Variants in CAMTA1 observed in about 807,000 individuals in gnomAD.
The protein encoded by CAMTA1 is calmodulin-binding transcription activator 1.
Under a neutral mutation model 170.9 loss-of-function variants are expected in CAMTA1, and 27 were observed. That is an observed-to-expected ratio of 0.16 (90% CI 0.12 to 0.22). CAMTA1 has a LOEUF of 0.22. Ranked by LOEUF, CAMTA1 falls within the 10% of genes least tolerant of loss-of-function variation. The pLI, the probability that CAMTA1 is intolerant of heterozygous loss-of-function variation, is 1.00. For synonymous variants in CAMTA1, 833 were observed against 891.5 expected, an observed-to-expected ratio of 0.93 and a Z score of 1.17; for missense variants, 1,619 against 2,217.2, an observed-to-expected ratio of 0.73 and a Z score of 5.42.
At chr1:7,365,839 G>A (rs2085921580) in intron 5 of CAMTA1, among the ~76,000 whole-genome samples, 1 of 152,192 alleles carries the variant, frequency 6.6e-6, no homozygotes, top group Non-Finnish European at 1.5e-5. Flanking sequence ...TCCACCCAGA[G>A]CAATACGTGG....
chr1:7,370,436 G>T (rs952647190), intron 5 of CAMTA1, among the ~76,000 whole-genome samples: 14 of 152,144 alleles, frequency 9.2e-5, no homozygotes, highest in Admixed American at 2.6e-4. Flanking sequence ...ATGTAATAAG[G>T]TACATTTGAA....
At chr1:7,672,264 G>C (rs1576745369) in intron 10 of CAMTA1, among the ~76,000 whole-genome samples, 1 of 152,024 alleles carries the variant, frequency 6.6e-6, no homozygotes, top group Non-Finnish European at 1.5e-5. Context: ...GCAGGCCCCA[G>C]GGTGTTTCTA....
Position 7,641,279 on chromosome 1 carries a change from G to T in CAMTA1, c.664+726G>T. Among the ~76,000 whole-genome samples, 1 of 152,180 alleles carries T rather than the reference G, an allele frequency of 6.6e-6. No individual in the cohort carries two copies. Among genetic ancestry groups the T allele is most frequent in the East Asian group, 1.9e-4 (1 of 5,188 alleles). Reference sequence around the variant, plus strand: ...TTCCTGACCCAAGAAGAGCATGGGGGCTGTTTAGTGGTGGACACGTAGCCC... The same window carrying T: ...TTCCTGACCCAAGAAGAGCATGGGGTCTGTTTAGTGGTGGACACGTAGCCC... On this transcript the variant is annotated intron_variant, in intron 7 of 22. Transcript: ENST00000303635. The surrounding 1 kb of genome is among the most constrained non-coding windows in gnomAD (Gnocchi z 4.5).
chr1:7,634,120 G>A lies in CAMTA1; in HGVS notation c.511-6280G>A, dbSNP rs1433555616. Among the ~76,000 whole-genome samples, 2 of 152,214 alleles carry A rather than the reference G, an allele frequency of 1.3e-5. No individual in the cohort carries two copies. The highest frequency in any genetic ancestry group is 3.9e-4 in the East Asian group (2 of 5,174). ...CCGGAACAGCCCAACCACGCCTGCT[G>A]CTGTTTGAAGGGTGGGTTGGGGAAG... On this transcript the variant is annotated intron_variant, in intron 6 of 22. Transcript: ENST00000303635. The surrounding 1 kb of genome is among the most constrained non-coding windows in gnomAD (Gnocchi z 6.2).
At chr1:7,142,221 T>A in intron 4 of CAMTA1, 1 of 497,030 alleles carries the variant, frequency 2.0e-6, no homozygotes, top group Admixed American at 2.0e-5. Flanking sequence ...TCCCTGAACC[T>A]TAAAGAACCT....
At chr1:6,894,511 C>T (rs950012622) in intron 3 of CAMTA1, among the ~76,000 whole-genome samples, 1 of 152,200 alleles carries the variant, frequency 6.6e-6, no homozygotes, top group African/African-American at 2.4e-5. Flanking sequence ...TCCATCCCTC[C>T]CTTCCTAAAT....
rs1390920879 is a variant in CAMTA1 at position 7,736,160 on chromosome 1, C to G, written c.3067-184C>G. Among the ~76,000 whole-genome samples, 4 of 152,178 alleles carry G rather than the reference C, an allele frequency of 2.6e-5. No homozygotes were observed. Among genetic ancestry groups the G allele is most frequent in the Non-Finnish European group, 5.9e-5 (4 of 68,020 alleles). ...TCCCGAGCAATCCTCCCACCTCGGC[C>G]TCCCAAAGTGCTAGGATTTCAGGCA... On this transcript the variant is annotated intron_variant, in intron 12 of 22. Coordinates refer to ENST00000303635, the MANE Select transcript of CAMTA1 (RefSeq NM_015215.4). This position sits in a 1 kb window ranked among gnomAD's most constrained non-coding sequence, Gnocchi z 4.5.
intron 3 of CAMTA1, among the ~76,000 whole-genome samples, chr1:7,087,592 G>A (rs182509052): frequency 7.0e-4 from 106 of 152,316 alleles, no homozygotes; most frequent in African/African-American, 2.0e-3. Context: ...CAGAATGTGA[G>A]CCTTGGAGCC....
chr1:7,643,634 T>C (rs2095783255), intron 7 of CAMTA1, among the ~76,000 whole-genome samples: 1 of 152,340 alleles, frequency 6.6e-6, no homozygotes, highest in East Asian at 1.9e-4. Flanking sequence ...TGGAGGGAAC[T>C]GTGAATGCCT....
In CAMTA1 at chr1:7,547,347, T is replaced by TGC. The variant is rs1271180995; in HGVS notation, c.510+79447_510+79448dup. On this transcript the variant is annotated intron_variant, in intron 6 of 22. Transcript: ENST00000303635. This position sits in a 1 kb window ranked among gnomAD's most constrained non-coding sequence, Gnocchi z 5.7. ...AGAGCTGGGGAATATATGTATCATA[T>TGC]GCACACACACACACACACACACACA... Among the ~76,000 whole-genome samples the TGC allele has an allele frequency of 4.7e-4, 47 of 100,648 alleles. No individual in the cohort carries two copies. The highest frequency in any genetic ancestry group is 1.9e-3 in the African/African-American group (46 of 24,432). 66.0% of individuals were successfully genotyped at this position (100,648 alleles called of 152,430 possible).
intron 9 of CAMTA1, among the ~76,000 whole-genome samples, chr1:7,669,944 G>A (rs902031155): frequency 1.3e-5 from 2 of 152,200 alleles, no homozygotes; most frequent in Non-Finnish European, 2.9e-5. Flanking sequence ...AGGACTGCCC[G>A]GGCCCCGGAC....
At chr1:7,250,808 C>A (rs1199415003) in intron 5 of CAMTA1, among the ~76,000 whole-genome samples, 2 of 152,164 alleles carry the variant, frequency 1.3e-5, no homozygotes, top group African/African-American at 4.8e-5. Flanking sequence ...AATTCCAGTT[C>A]CTGCATTCTC....
At chr1:7,116,337 C>T (rs1052047481) in intron 4 of CAMTA1, among the ~76,000 whole-genome samples, 1 of 152,202 alleles carries the variant, frequency 6.6e-6, no homozygotes, top group Non-Finnish European at 1.5e-5. Context: ...TATGGACTTA[C>T]CAATCTTTCG....
intron 6 of CAMTA1, among the ~76,000 whole-genome samples, chr1:7,584,399 A>T (rs1373506759): frequency 6.6e-6 from 1 of 152,012 alleles, no homozygotes; most frequent in African/African-American, 2.4e-5. Flanking sequence ...GGAGGAGATG[A>T]TGTGGAGGGT....
intron 8 of CAMTA1, 143 bp from the exon 9 acceptor site, chr1:7,663,210 C>T (rs893773473): frequency 1.4e-5 from 16 of 1,110,496 alleles, no homozygotes; most frequent in Non-Finnish European, 2.0e-5. Flanking sequence ...CCTGGGGTAC[C>T]GGGCCTGGAC....
intron 3 of CAMTA1, among the ~76,000 whole-genome samples, chr1:6,842,298 A>G (rs970752550): frequency 5.9e-5 from 9 of 152,202 alleles, no homozygotes; most frequent in African/African-American, 2.2e-4. Flanking sequence ...TGGGCGTCAT[A>G]GTGAGTGTAA....
rs115710165 is a variant in CAMTA1, at chr1:7,545,220, G to A, written c.510+77319G>A. Among the ~76,000 whole-genome samples, 1,460 of 152,230 alleles carry A rather than the reference G, an allele frequency of 9.6e-3. 19 individuals are homozygous for A. The highest frequency in any genetic ancestry group is 0.034 in the African/African-American group (1,415 of 41,532). On this transcript the variant is annotated intron_variant, in intron 6 of 22. Transcript: ENST00000303635. ...AAACAATCAGACATACTAAAAAGTT[G>A]GGAGTACAATTCAAAGAAACTTTTT...
intron 3 of CAMTA1, among the ~76,000 whole-genome samples, chr1:6,928,824 G>C (rs746824235): frequency 2.5e-4 from 38 of 152,286 alleles, no homozygotes; most frequent in Non-Finnish European, 3.7e-4. Flanking sequence ...CAGGCCCCCA[G>C]CTCCTCTGTT....
rs2092684899 is a variant in CAMTA1 at position 7,446,521 on chromosome 1, A to C, written c.439-21309A>C. Among the ~76,000 whole-genome samples, 6 of 152,174 alleles carry C rather than the reference A, an allele frequency of 3.9e-5. No homozygotes were observed. In the South Asian group the frequency reaches 1.2e-3, roughly 32 times the overall value. On this transcript the variant is annotated intron_variant, in intron 5 of 22. Transcript: ENST00000303635. ...CCGGGAGGGGAACACACGCCTGGCC[A>C]CCAGGAGGGCCCGGGTGGCCACGGA...
Sources: allele counts gnomAD v4.1 joint callset (sites outside exome capture counted in the v4.1 genomes callset), GRCh38; gene constraint gnomAD v4.1.1; non-coding constraint Gnocchi (gnomAD v3.1); transcripts MANE v1.5; gene names NCBI Gene and HGNC (gene_info 2026-07-23, HGNC 2026-07-21).